The following FAM107A variants were observed in gnomAD, a reference collection of about 807,000 sequenced individuals.
FAM107A encodes actin-associated protein FAM107A.
In FAM107A, 19 loss-of-function variants were observed where a neutral mutation model predicts 13.7. The observed-to-expected ratio is 1.38, with a 90% CI of 0.97 to 2.03. The LOEUF (loss-of-function observed/expected upper bound fraction) is 2.03, where lower values mean the gene tolerates loss of function less well. FAM107A is among the 30% of genes most tolerant of loss of function. The probability of loss-of-function intolerance (pLI) is 0.00; values close to 1 mark genes in which losing one functional copy is unlikely to be tolerated. For synonymous variants in FAM107A, 82 were observed against 74.5 expected (o/e 1.10, Z -0.52); for missense variants, 203 against 184.4 (o/e 1.10, Z -0.58).
At chr3:58,583,001 G>T (rs1027919862) in intron 1 of FAM107A, among the ~76,000 whole-genome samples, 1 of 152,162 alleles carries the variant, frequency 6.6e-6, no homozygotes, top group Non-Finnish European at 1.5e-5. Context: ...GTTTCACTAT[G>T]TTGGCCAGGC....
At chr3:58,598,459 C>T (rs754306963) in intron 1 of FAM107A, among the ~76,000 whole-genome samples, 1 of 152,202 alleles carries the variant, frequency 6.6e-6, no homozygotes, top group Non-Finnish European at 1.5e-5. Flanking sequence ...AGAAAACTGC[C>T]TTCCTGGAAC....
intron 1 of FAM107A, among the ~76,000 whole-genome samples, chr3:58,593,975 C>T (rs1448709911): frequency 6.6e-6 from 1 of 152,028 alleles, no homozygotes; most frequent in African/African-American, 2.4e-5. Flanking sequence ...CCACCCCTCC[C>T]CCCCACCATA....
chr3:58,583,167 G>A (rs2065566901), intron 1 of FAM107A, among the ~76,000 whole-genome samples: 1 of 152,212 alleles, frequency 6.6e-6, no homozygotes, highest in African/African-American at 2.4e-5. Context: ...AGTCTCAACA[G>A]TGTAAAACAC....
chr3:58,585,031 A>G (rs2065589164), intron 1 of FAM107A, among the ~76,000 whole-genome samples: 2 of 152,168 alleles, frequency 1.3e-5, no homozygotes, highest in South Asian at 4.1e-4. Context: ...ACACTTGTAG[A>G]GTGGTGCAGG....
At chr3:58,586,863 C>A in exon 1 of FAM107A, 1 of 1,530,290 alleles carries the variant, frequency 6.5e-7, no homozygotes, top group African/African-American at 1.4e-5. Context: ...CTTACCCGAC[C>A]GGAGCAGCAC....
At chr3:58,626,072 C>A (rs1270715886) in intron 1 of FAM107A, among the ~76,000 whole-genome samples, 1 of 152,132 alleles carries the variant, frequency 6.6e-6, no homozygotes, top group South Asian at 2.1e-4. Context: ...GTCATCGCCA[C>A]GGTAGGTGGG....
intron 1 of FAM107A, among the ~76,000 whole-genome samples, chr3:58,576,799 G>A (rs904404273): frequency 2.0e-4 from 30 of 152,318 alleles, no homozygotes; most frequent in African/African-American, 7.2e-4. Context: ...AAATTCTTAC[G>A]ACAGACTGAA....
rs1172761589 is a variant in FAM107A, at chr3:58,565,006, C to T, written c.*1582G>A. 1 of 152,186 alleles carries T rather than the reference C, an allele frequency of 6.6e-6. No individual in the cohort carries two copies. Among genetic ancestry groups the T allele is most frequent in the Non-Finnish European group, 1.5e-5 (1 of 68,038 alleles). 9.4% of individuals were successfully genotyped at this position (152,186 alleles called of 1,614,324 possible). A position where few individuals can be genotyped will look rare whatever the true frequency, so the allele number is the denominator to read the frequency against. On this transcript the variant is annotated 3_prime_UTR_variant, in exon 4 of 4. Coordinates refer to ENST00000360997, the MANE Select transcript of FAM107A (RefSeq NM_001076778.3). ...CCTCCGACAGTCCCACGTTTGCTTC[C>T]AGGAATCAAAGAGCATGCCAGTGGC...
intron 3 of FAM107A, 171 bp from the exon 4 acceptor site, chr3:58,566,866 C>T (rs1201057431): frequency 1.6e-6 from 1 of 617,472 alleles, no homozygotes; most frequent in Non-Finnish European, 2.9e-6. Context: ...ACTGAGTTCT[C>T]CTTGTGCAGC....
chr3:58,606,759 C>T (rs769623705), intron 1 of FAM107A, among the ~76,000 whole-genome samples: 4 of 152,256 alleles, frequency 2.6e-5, no homozygotes, highest in Non-Finnish European at 5.9e-5. Flanking sequence ...TCCAGCCCTT[C>T]TACATTTCAG....
chr3:58,627,182 C>T (rs1334003481), intron 1 of FAM107A: 6 of 624,796 alleles, frequency 9.6e-6, no homozygotes, highest in Non-Finnish European at 1.7e-5. Context: ...GCGCCTCAGA[C>T]AGGCTTAGGG....
chr3:58,583,935 G>T (rs907067280), intron 1 of FAM107A, among the ~76,000 whole-genome samples: 1 of 152,260 alleles, frequency 6.6e-6, no homozygotes, highest in Admixed American at 6.5e-5. Context: ...GTCACCCAGT[G>T]TTATATTATC....
At chr3:58,601,509 G>T (rs904964138) in intron 1 of FAM107A, among the ~76,000 whole-genome samples, 2 of 152,254 alleles carry the variant, frequency 1.3e-5, no homozygotes, top group Non-Finnish European at 2.9e-5. Context: ...TTTCATAGCA[G>T]AGGTCATTGG....
At chr3:58,616,876 T>A (rs1035593303) in intron 1 of FAM107A, among the ~76,000 whole-genome samples, 3 of 151,980 alleles carry the variant, frequency 2.0e-5, no homozygotes, top group Non-Finnish European at 4.4e-5. Flanking sequence ...CGGGTTCAAG[T>A]GATTCTCCTG....
At chr3:58,600,194 C>T (rs1296801071) in intron 1 of FAM107A, among the ~76,000 whole-genome samples, 1 of 152,094 alleles carries the variant, frequency 6.6e-6, no homozygotes, top group African/African-American at 2.4e-5. Context: ...GGAAAAGGGG[C>T]TTGACTGTTT....
upstream of FAM107A, among the ~76,000 whole-genome samples, chr3:58,588,698 G>T (rs1307109891): frequency 6.6e-6 from 1 of 152,166 alleles, no homozygotes; most frequent in Non-Finnish European, 1.5e-5. Flanking sequence ...CTTTGATCAA[G>T]CTATGGTTCT....
intron 1 of FAM107A, chr3:58,627,293 A>C: frequency 2.3e-6 from 1 of 427,790 alleles, no homozygotes; most frequent in Non-Finnish European, 4.2e-6. Flanking sequence ...TCTCTCAGGA[A>C]GGGAAACTGA....
chr3:58,567,022 A>G (rs1449902660), intron 3 of FAM107A, 186 bp downstream of exon 3: 1 of 675,336 alleles, frequency 1.5e-6, no homozygotes, highest in Non-Finnish European at 2.6e-6. Context: ...GGTTCAGGGA[A>G]GCCACTCGCC....
At chr3:58,614,506 C>CTTTT (rs200625039) in intron 1 of FAM107A, among the ~76,000 whole-genome samples, 5 of 139,374 alleles carry the variant, frequency 3.6e-5, no homozygotes, top group Non-Finnish European at 4.7e-5. Context: ...TTCTTTCTTT[C>CTTTT]TTTTTTTTTT....
Sources: allele counts gnomAD v4.1 joint callset (sites outside exome capture counted in the v4.1 genomes callset), GRCh38; gene constraint gnomAD v4.1.1; transcripts MANE v1.5; gene names NCBI Gene and HGNC (gene_info 2026-07-23, HGNC 2026-07-21).